The following MSH6 variants were observed in gnomAD, a reference collection of about 807,000 sequenced individuals.
MSH6 encodes the protein mutS homolog 6.
A neutral mutation model predicts 119.1 loss-of-function variants in MSH6; 85 were observed. That is an observed-to-expected ratio of 0.71 (90% confidence interval 0.60 to 0.85). The LOEUF (loss-of-function observed/expected upper bound fraction) is 0.85, where lower values mean the gene tolerates loss of function less well. Ranked by LOEUF, MSH6 falls within the 40% of genes least tolerant of loss-of-function variation. The pLI is 0.00. For synonymous variants in MSH6, 830 were observed against 586.9 expected (o/e 1.41, Z -5.99); for missense variants, 2,163 against 1,655.3 (o/e 1.31, Z -5.32).
At chr2:47,793,533 G>GT (rs1668882600) in intron 2 of MSH6, among the ~76,000 whole-genome samples, 1 of 151,144 alleles carries the variant, frequency 6.6e-6, no homozygotes, top group Non-Finnish European at 1.5e-5. Flanking sequence ...CTTAAACCTG[G>GT]TAGGCGGAGG....
In MSH6 at chr2:47,799,849, A is replaced by G. The variant is rs1042817; in HGVS notation, c.1866A>G (p.Ile622Met). 1.2e-6 allele frequency: 2 copies of G among 1,614,182 alleles called. No homozygotes were observed. Among genetic ancestry groups the G allele is most frequent in the Non-Finnish European group, 1.7e-6 (2 of 1,180,038 alleles). The part of the protein sequence containing the change: ...SLSCSLQEGL[I>M]PGSQFWDASK... ...CCTGTTCTCTTCAGGAAGGTCTGAT[A>G]CCCGGCTCCCAGTTTTGGGATGCAT... The change falls in exon 4 of 10, where the codon ATA (isoleucine) becomes ATG (methionine). Residue 622 changes from isoleucine to methionine, a missense_variant. Coordinates refer to ENST00000234420, the MANE Select transcript of MSH6 (RefSeq NM_000179.3).
intron 1 of MSH6, chr2:47,784,106 G>T (rs1572699557): frequency 9.9e-7 from 1 of 1,005,604 alleles, no homozygotes; most frequent in South Asian, 4.7e-5. Context: ...TTCGGCCTAG[G>T]TGAGGGGCCG....
chr2:47,806,751 C>CTTTT lies in MSH6; in HGVS notation c.4002-13_4002-10dup, dbSNP rs59056100. ...GATGCACTATGAAAAAACAAAAAAACTTTTTTTTTTTTTTTTTTAATTTTA... is the reference window on the plus strand; with the variant it reads ...GATGCACTATGAAAAAACAAAAAAACTTTTTTTTTTTTTTTTTTTTTTAATTTTA... On this transcript the variant is annotated intron_variant, in intron 9 of 9. Coordinates refer to ENST00000234420, the MANE Select transcript of MSH6 (RefSeq NM_000179.3). 7.7e-5 allele frequency: 111 copies of CTTTT among 1,444,566 alleles called. No individual in the cohort carries two copies. The African/African-American group carries it at 1.0e-3, about 13-fold the overall frequency. 89.5% of individuals were successfully genotyped at this position (1,444,566 alleles called of 1,614,324 possible).
At chr2:47,783,882 C>G (rs3136233) in intron 1 of MSH6, 532,601 of 957,596 alleles carry the variant, frequency 0.56, 149,542 homozygotes, top group African/African-American at 0.84. Context: ...GGAAGGCGCC[C>G]GGCCCACTTG....
At chr2:47,807,009 C>G (rs937106798), downstream of MSH6, 26 of 680,480 alleles carry the variant, frequency 3.8e-5, no homozygotes, top group Non-Finnish European at 5.4e-5. Context: ...TATCTACCTT[C>G]TACATAATGG....
downstream of MSH6, chr2:47,808,437 A>G: frequency 6.4e-7 from 1 of 1,572,890 alleles, no homozygotes; most frequent in Non-Finnish European, 8.6e-7. Flanking sequence ...TCTAAAAAGC[A>G]AAAGCTTAAA....
chr2:47,795,977 G>C lies in MSH6; in HGVS notation c.541G>C (p.Glu181Gln), dbSNP rs569728764. The C allele has an allele frequency of 6.2e-7, 1 of 1,614,160 alleles. No homozygotes were observed. The highest frequency in any genetic ancestry group is 1.1e-5 in the South Asian group (1 of 91,078). Residue 181 changes from glutamate to glutamine, a missense_variant, in exon 3 of 10, where the codon GAA becomes CAA. By Grantham distance (29) the Glu-to-Gln change is conservative. Coordinates refer to ENST00000234420, the MANE Select transcript of MSH6 (RefSeq NM_000179.3). The stretch of plus-strand genomic sequence containing the variant: ...ACTGAGAGCAATGCAACGTGCAGAT[G>C]AAGCCTTAAATAAAGACAAGATTAA... ...EILRAMQRAD[E>Q]ALNKDKIKRL...
intron 2 of MSH6, among the ~76,000 whole-genome samples, chr2:47,795,133 G>A (rs1481901043): frequency 1.3e-5 from 2 of 152,052 alleles, no homozygotes; most frequent in Non-Finnish European, 2.9e-5. Context: ...CTTTTAAATC[G>A]TCTGCCTCAC....
At chr2:47,808,644 G>T (rs923974875), downstream of MSH6, 12 of 458,866 alleles carry the variant, frequency 2.6e-5, no homozygotes, top group African/African-American at 2.2e-4. Flanking sequence ...TTTGTAAATT[G>T]TATAAAGGCA....
chr2:47,793,318 C>CTCAAAAAAAAAAAAA (rs1441753856), intron 2 of MSH6, among the ~76,000 whole-genome samples: 10 of 48,786 alleles, frequency 2.0e-4, no homozygotes, highest in Non-Finnish European at 3.1e-4. Flanking sequence ...GAGACTGTCT[C>CTCAAAAAAAAAAAAA]AAAAAAAAAA....
At position 47,800,678 on chromosome 2, in the gene MSH6, G is replaced by A. The variant is rs748574765; in HGVS notation, c.2695G>A (p.Glu899Lys). The A allele has an allele frequency of 1.9e-6, 3 of 1,614,152 alleles. No homozygotes were observed. The highest frequency in any genetic ancestry group is 2.2e-5 in the South Asian group (2 of 91,078). The change falls in exon 4 of 10, where the codon GAA becomes AAA. Residue 899 changes from glutamate (E) to lysine (K), a missense_variant. Transcript: ENST00000234420. ...QVISLQTKNP[E>K]GRFPDLTVEL... ...CATCTCTCTGCAGACAAAAAATCCT[G>A]AAGGTCGTTTTCCTGATTTGACTGT...
chr2:47,808,667 T>C (rs770800513), downstream of MSH6: 1 of 405,180 alleles, frequency 2.5e-6, no homozygotes, highest in Non-Finnish European at 4.4e-6. Flanking sequence ...TCTTTCCACT[T>C]TAAAAGCCTC....
intron 2 of MSH6, among the ~76,000 whole-genome samples, chr2:47,794,807 T>A (rs1214016351): frequency 1.3e-5 from 2 of 152,084 alleles, no homozygotes; most frequent in Non-Finnish European, 2.9e-5. Context: ...TGTTTGTTTG[T>A]TTTTTGAGAT....
intron 1 of MSH6, chr2:47,789,183 C>T (rs1668574382): frequency 9.0e-6 from 2 of 223,054 alleles, no homozygotes; most frequent in Admixed American, 1.2e-4. Flanking sequence ...CTTGGCCTCC[C>T]AAAGTGCTGG....
chr2:47,790,470 C>G (rs1296321181), intron 1 of MSH6, among the ~76,000 whole-genome samples: 1 of 152,056 alleles, frequency 6.6e-6, no homozygotes, highest in Non-Finnish European at 1.5e-5. Flanking sequence ...AGATTCCAAG[C>G]AAGTCTAATG....
At position 47,791,150 on chromosome 2, in the gene MSH6, G is replaced by A; in HGVS notation, c.457+27G>A. On this transcript the variant is annotated intron_variant, in intron 2 of 9. Coordinates refer to ENST00000234420, the MANE Select transcript of MSH6 (RefSeq NM_000179.3). ...TAAGAGTCACTACTGCCATGTGTGT[G>A]TGTTTGTGTGTGTGTGTGTGTGTGT... The A allele has an allele frequency of 2.5e-6, 4 of 1,586,548 alleles. No individual in the cohort carries two copies. In the South Asian group the frequency reaches 3.3e-5, roughly 13 times the overall value.
At chr2:47,788,928 T>TTTGTTTTTTTTGTTTTTTTTG (rs1668548508) in intron 1 of MSH6, among the ~76,000 whole-genome samples, 1 of 84,230 alleles carries the variant, frequency 1.2e-5, no homozygotes. Context: ...TTTTGTTTTT[T>TTTGTTTTTTTTGTTTTTTTTG]TTTTTTTTTT....
At position 47,799,235 on chromosome 2, in the gene MSH6, T is replaced by G. The variant is rs1251033858; in HGVS notation, c.1252T>G (p.Ser418Ala). 1 of 1,614,188 alleles carries G rather than the reference T, an allele frequency of 6.2e-7. No individual in the cohort carries two copies. Among genetic ancestry groups the G allele is most frequent in the Non-Finnish European group, 8.5e-7 (1 of 1,180,036 alleles). The change falls in exon 4 of 10, where the codon TCT becomes GCT. Residue 418 changes from serine (S) to alanine (A), a missense_variant. Physicochemically the swap from Ser to Ala is moderately conservative, Grantham distance 99. Coordinates refer to ENST00000234420, the MANE Select transcript of MSH6 (RefSeq NM_000179.3). The part of the protein sequence containing the change: ...PGMRKWWQIK[S>A]QNFDLVICYK... Reference sequence around the variant, plus strand: ...GATGAGGAAGTGGTGGCAGATTAAGTCTCAGAACTTTGATCTTGTCATCTG... The same window carrying G: ...GATGAGGAAGTGGTGGCAGATTAAGGCTCAGAACTTTGATCTTGTCATCTG...
At position 47,803,869 on chromosome 2, in the gene MSH6, A is replaced by C. The variant is rs537800619; in HGVS notation, c.3438+184A>C. Among the ~76,000 whole-genome samples the C allele has an allele frequency of 3.3e-5, 5 of 152,346 alleles. No homozygotes were observed. In the South Asian group the frequency reaches 1.0e-3, roughly 32 times the overall value. Reference sequence around the variant, plus strand: ...ATATTTAGCTGAAACATCGATGCTTAATGTTAAGGGGAATATATGTTAAAA... The same window carrying C: ...ATATTTAGCTGAAACATCGATGCTTCATGTTAAGGGGAATATATGTTAAAA... On this transcript the variant is annotated intron_variant, in intron 5 of 9. Coordinates refer to ENST00000234420, the MANE Select transcript of MSH6 (RefSeq NM_000179.3).
Sources: allele counts gnomAD v4.1 joint callset (sites outside exome capture counted in the v4.1 genomes callset), GRCh38; gene constraint gnomAD v4.1.1; transcripts MANE v1.5; gene names NCBI Gene and HGNC (gene_info 2026-07-23, HGNC 2026-07-21).